REPS2: variants seen among roughly 807,000 people sequenced by gnomAD.
REPS2 encodes RALBP1 associated Eps domain containing 2.
In REPS2, 23 loss-of-function variants were observed where a neutral mutation model predicts 53.6. The ratio of observed to expected loss-of-function variants is 0.43; its 90% CI spans 0.31 to 0.61. The LOEUF (loss-of-function observed/expected upper bound fraction) is 0.61. Ranked by LOEUF, REPS2 falls within the 20% of genes least tolerant of loss-of-function variation. The pLI is 0.11. For missense variants in REPS2, 446 were observed against 534.9 expected (o/e 0.83, Z 1.64); for synonymous variants, 238 against 218.6 (o/e 1.09, Z -0.78).
rs780033182 is a variant in REPS2, at chrX:17,034,395, C to G, written c.771+4772C>G. ...CACTGCAACCTCCACCTCCTGGGTC[C>G]AAGCGATTCTCCTGCCTCAGCCTCC... On this transcript the variant is annotated intron_variant, in intron 5 of 17. Coordinates refer to ENST00000357277, the MANE Select transcript of REPS2 (RefSeq NM_004726.3). 3.5e-4 allele frequency among the ~76,000 whole-genome samples: 39 copies of G among 111,377 alleles called. 1 individual carries two copies. In the South Asian group the frequency reaches 0.014, roughly 41 times the overall value.
intron 8 of REPS2, among the ~76,000 whole-genome samples, chrX:17,055,184 T>A (rs2062051612): frequency 1.3e-5 from 1 of 79,209 alleles, no homozygotes; most frequent in Non-Finnish European, 2.4e-5. Flanking sequence ...CTTCGCCCAC[T>A]TTTTGATGGG....
intron 2 of REPS2, among the ~76,000 whole-genome samples, chrX:17,016,235 C>T (rs2061491053): frequency 9.0e-6 from 1 of 111,321 alleles, no homozygotes. Context: ...TGTTCATATC[C>T]TTCGCCCACT....
rs576202970 is a variant in REPS2 at position 17,070,522 on chromosome X, G to A, written c.1333+529G>A. Among the ~76,000 whole-genome samples, 9 of 112,174 alleles carry A rather than the reference G, an allele frequency of 8.0e-5. No individual in the cohort carries two copies. In the South Asian group the frequency reaches 3.0e-3, roughly 37 times the overall value. On this transcript the variant is annotated intron_variant, in intron 11 of 17. Transcript: ENST00000357277. ...GGAGAGTCAGACCTGTGTCTGTGGAGTCATGGAGAATGGCTGCCCCTGTGT... is the reference window on the plus strand; with the variant it reads ...GGAGAGTCAGACCTGTGTCTGTGGAATCATGGAGAATGGCTGCCCCTGTGT...
chrX:17,006,963 T>C (rs1183160037), intron 2 of REPS2, among the ~76,000 whole-genome samples: 3 of 112,515 alleles, frequency 2.7e-5, no homozygotes, highest in African/African-American at 9.7e-5. Flanking sequence ...ATTAGCAGTA[T>C]TTCTGCTGCC....
intron 14 of REPS2, among the ~76,000 whole-genome samples, chrX:17,113,168 A>G (rs1191992479): frequency 1.0e-5 from 1 of 96,271 alleles, no homozygotes; most frequent in African/African-American, 3.8e-5. Context: ...GGACAGAAAT[A>G]ATAAAGAGTA....
At chrX:17,104,333 C>G (rs1294259588) in intron 14 of REPS2, among the ~76,000 whole-genome samples, 4 of 111,945 alleles carry the variant, frequency 3.6e-5, no homozygotes, top group Non-Finnish European at 7.5e-5. Flanking sequence ...TTAATTCTGC[C>G]TTATTTACAT....
At chrX:17,144,674 G>A (rs1034694352) in intron 17 of REPS2, among the ~76,000 whole-genome samples, 6 of 112,162 alleles carry the variant, frequency 5.3e-5, no homozygotes, top group Non-Finnish European at 9.4e-5. Flanking sequence ...TGATGAAGGG[G>A]CATCTATGTC....
In REPS2 at chrX:17,022,195, A is replaced by G. The variant is rs1339157602; in HGVS notation, c.470A>G (p.His157Arg). 1.7e-6 allele frequency: 2 copies of G among 1,208,741 alleles called. No homozygotes were observed. ...EIRFGNPAEL[H>R]GTKVQIPYLT... ...CGATTTGGGAACCCAGCTGAGCTGC[A>G]TGGAACTAAGGTTCAGATTCCATAT... is the stretch of plus-strand genomic sequence containing the variant. The change falls in exon 3 of 18, where the codon CAT becomes CGT. Residue 157 changes from histidine to arginine, a missense_variant. By Grantham distance (29) the His-to-Arg change is conservative. Coordinates refer to ENST00000357277, the MANE Select transcript of REPS2 (RefSeq NM_004726.3).
chrX:17,092,363 A>G (rs2062627529), intron 13 of REPS2, among the ~76,000 whole-genome samples: 1 of 112,106 alleles, frequency 8.9e-6, no homozygotes, highest in South Asian at 3.7e-4. Flanking sequence ...GAGATCCAAT[A>G]AATCAGTATC....
intron 5 of REPS2, among the ~76,000 whole-genome samples, chrX:17,043,361 T>C (rs966301969): frequency 9.0e-6 from 1 of 111,137 alleles, no homozygotes; most frequent in Non-Finnish European, 1.9e-5. Context: ...ATCTAAGAAA[T>C]GAGAGCCAAG....
chrX:17,123,320 C>T (rs952418204), intron 14 of REPS2, among the ~76,000 whole-genome samples: 2 of 112,469 alleles, frequency 1.8e-5, no homozygotes, highest in African/African-American at 6.5e-5. Context: ...TCAGACTTGA[C>T]TCAGATTTCT....
chrX:16,954,402 C>T lies in REPS2; in HGVS notation c.273+7268C>T, dbSNP rs184952492. Among the ~76,000 whole-genome samples the T allele has an allele frequency of 8.0e-3, 896 of 112,257 alleles. 3 individuals carry two copies. The highest frequency in any genetic ancestry group is 0.012 in the Non-Finnish European group (659 of 53,247). ...TTCCATCTACATTTCTATCTTTGTT[C>T]CCTCTCACCTTTGTTATCCTGAAGC... On this transcript the variant is annotated intron_variant, in intron 1 of 17. Coordinates refer to ENST00000357277, the MANE Select transcript of REPS2 (RefSeq NM_004726.3).
At chrX:17,074,085 A>G in intron 11 of REPS2, 29 bp from the exon 12 acceptor site, 1 of 1,201,634 alleles carries the variant, frequency 8.3e-7, no homozygotes, top group Middle Eastern at 2.3e-4. Context: ...AACTGCAGAA[A>G]TGAAACCCAA....
At position 16,946,865 on chromosome X, in the gene REPS2, G is replaced by A; in HGVS notation, c.4G>A (p.Glu2Lys). The change falls in exon 1 of 18, where the codon GAG (glutamate) becomes AAG (lysine). Residue 2 changes from glutamate (E) to lysine (K), a missense_variant. By Grantham distance (56) the Glu-to-Lys change is moderately conservative. Coordinates refer to ENST00000357277, the MANE Select transcript of REPS2 (RefSeq NM_004726.3). ...GCCGCGCCCCCTTGCTGGCCCCATGGAGGCGGCAGCGGCGGCGGCGGCGGC... is the reference window on the plus strand; with the variant it reads ...GCCGCGCCCCCTTGCTGGCCCCATGAAGGCGGCAGCGGCGGCGGCGGCGGC... M[E>K]AAAAAAAAAA... The A allele has an allele frequency of 1.3e-6, 1 of 765,998 alleles. No homozygotes were observed. Among genetic ancestry groups the A allele is most frequent in the Non-Finnish European group, 1.5e-6 (1 of 649,389 alleles). 63.1% of individuals were successfully genotyped at this position (765,998 alleles called of 1,213,427 possible).
chrX:17,053,331 G>T (rs1192741924), intron 7 of REPS2, among the ~76,000 whole-genome samples: 1 of 110,819 alleles, frequency 9.0e-6, no homozygotes, highest in African/African-American at 3.3e-5. Context: ...TAATTTTTTT[G>T]TTTTTACAAG....
intron 4 of REPS2, among the ~76,000 whole-genome samples, chrX:17,027,659 G>GTTTTTTTTTTTTTTTTTT (rs761592588): frequency 1.5e-5 from 1 of 67,270 alleles, no homozygotes; most frequent in Non-Finnish European, 2.6e-5. Flanking sequence ...AAATCTTTAG[G>GTTTTTTTTTTTTTTTTTT]TTTTTTTTTT....
chrX:17,105,483 A>T (rs1211890809), intron 14 of REPS2, among the ~76,000 whole-genome samples: 1 of 112,326 alleles, frequency 8.9e-6, no homozygotes, highest in Non-Finnish European at 1.9e-5. Flanking sequence ...TGCTGCTATC[A>T]GCAGTCTTCA....
chrX:16,974,279 A>G (rs2060928608), intron 1 of REPS2, among the ~76,000 whole-genome samples: 1 of 111,579 alleles, frequency 9.0e-6, no homozygotes, highest in Admixed American at 9.6e-5. Context: ...AACAGATCTT[A>G]TAAGCCTTTC....
At chrX:17,027,585 T>G (rs767032055) in intron 4 of REPS2, among the ~76,000 whole-genome samples, 1 of 110,337 alleles carries the variant, frequency 9.1e-6, no homozygotes, top group Admixed American at 9.7e-5. Flanking sequence ...GTCACTCAGT[T>G]TTAGGGTAGT....
Sources: allele counts gnomAD v4.1 joint callset (sites outside exome capture counted in the v4.1 genomes callset), GRCh38; gene constraint gnomAD v4.1.1; transcripts MANE v1.5; gene names NCBI Gene and HGNC (gene_info 2026-07-23, HGNC 2026-07-21).